Variants in INPP4B observed in about 807,000 individuals in gnomAD.
INPP4B encodes inositol polyphosphate-4-phosphatase type II B, also known as inositol polyphosphate 4-phosphatase type II.
Under a neutral mutation model 122.5 loss-of-function variants are expected in INPP4B, and 55 were observed. The ratio of observed to expected loss-of-function variants is 0.45; its 90% CI spans 0.36 to 0.56. INPP4B has a LOEUF of 0.56. Among genes scored for constraint, INPP4B ranks in the 20% least tolerant of loss-of-function variants. The pLI, the probability that INPP4B is intolerant of heterozygous loss-of-function variation, is 0.00. For missense variants in INPP4B, 1,000 were observed against 1,097.7 expected, an observed-to-expected ratio of 0.91 and a Z score of 1.26; for synonymous variants, 403 against 388.7, an observed-to-expected ratio of 1.04 and a Z score of -0.43.
At chr4:142,537,895 A>G (rs1008297414) in intron 2 of INPP4B, among the ~76,000 whole-genome samples, 2 of 152,082 alleles carry the variant, frequency 1.3e-5, no homozygotes, top group African/African-American at 4.8e-5. Context: ...AAGAGGAAGC[A>G]ATGGAAAACC....
At chr4:142,260,406 G>A in intron 11 of INPP4B, 86 bp downstream of exon 11, 2 of 837,308 alleles carry the variant, frequency 2.4e-6, no homozygotes, top group Non-Finnish European at 4.1e-6. Flanking sequence ...ACAAACAACT[G>A]TGAGAATGCT....
At chr4:142,554,365 TAAAAAA>T (rs11363091) in intron 2 of INPP4B, among the ~76,000 whole-genome samples, 3 of 123,518 alleles carry the variant, frequency 2.4e-5, no homozygotes, top group Non-Finnish European at 3.3e-5. Flanking sequence ...CTTGCAATAG[TAAAAAA>T]AAAAAAAAAA....
At chr4:142,627,665 T>C (rs1037764855) in intron 2 of INPP4B, among the ~76,000 whole-genome samples, 10 of 149,818 alleles carry the variant, frequency 6.7e-5, no homozygotes, top group East Asian at 5.9e-4. Context: ...CAGTATTTTA[T>C]TGAGGATTTT....
chr4:142,285,872 G>A (rs554952245), intron 9 of INPP4B, among the ~76,000 whole-genome samples: 5 of 152,264 alleles, frequency 3.3e-5, no homozygotes, highest in Admixed American at 3.3e-4. Flanking sequence ...GGCAAAATAT[G>A]CAAGGGCAGA....
Position 142,774,376 on chromosome 4 carries a change from T to A in INPP4B, c.-253-48475A>T, listed in dbSNP as rs573744439. Among the ~76,000 whole-genome samples the A allele has an allele frequency of 9.9e-5, 15 of 152,200 alleles. No homozygotes were observed. The East Asian group carries it at 1.4e-3, about 14-fold the overall frequency. On this transcript the variant is annotated intron_variant, in intron 1 of 25. Coordinates refer to ENST00000262992, the MANE Select transcript of INPP4B (RefSeq NM_001101669.3). The stretch of plus-strand genomic sequence containing the variant: ...AGATCATTAAAAGGTAGTGCTGCAA[T>A]CCTCTCCAAAGGCAGGTGAGTTATA...
intron 2 of INPP4B, among the ~76,000 whole-genome samples, chr4:142,674,195 G>A (rs1580681720): frequency 6.6e-6 from 1 of 152,086 alleles, no homozygotes. Context: ...TTCTCCCTCT[G>A]CCCACCTGCT....
intron 1 of INPP4B, among the ~76,000 whole-genome samples, chr4:142,757,272 A>AT (rs138122528): frequency 1.3e-5 from 2 of 152,266 alleles, no homozygotes; most frequent in East Asian, 3.9e-4. Context: ...TACAATGGAT[A>AT]TCTACAATGA....
intron 10 of INPP4B, 80 bp from the exon 11 acceptor site, chr4:142,260,644 T>C: frequency 1.1e-6 from 1 of 916,766 alleles, no homozygotes; most frequent in Non-Finnish European, 1.7e-6. Context: ...TTGCAAAACA[T>C]AAGGCTATGT....
At chr4:142,432,684 A>C (rs756128381) in intron 3 of INPP4B, among the ~76,000 whole-genome samples, 2 of 152,122 alleles carry the variant, frequency 1.3e-5, no homozygotes, top group Non-Finnish European at 2.9e-5. Context: ...ACAAATGCTA[A>C]TAGTGAGATA....
chr4:142,164,623 A>T (rs1821790767), intron 16 of INPP4B, among the ~76,000 whole-genome samples: 1 of 151,798 alleles, frequency 6.6e-6, no homozygotes, highest in Admixed American at 6.6e-5. Context: ...GAAAAACCAC[A>T]TAATCATTTT....
chr4:142,193,269 T>C, intron 14 of INPP4B, 74 bp from the exon 15 acceptor site: 1 of 816,090 alleles, frequency 1.2e-6, no homozygotes, highest in Admixed American at 2.0e-5. Context: ...CATTGAAGCA[T>C]ACCTATTGTA....
intron 3 of INPP4B, among the ~76,000 whole-genome samples, chr4:142,441,961 A>G (rs1385382939): frequency 6.6e-6 from 1 of 152,130 alleles, no homozygotes; most frequent in Non-Finnish European, 1.5e-5. Context: ...ATCCACTATA[A>G]TTAAAGAAAG....
At chr4:142,169,265 T>A (rs1270336214) in intron 16 of INPP4B, among the ~76,000 whole-genome samples, 1 of 151,664 alleles carries the variant, frequency 6.6e-6, no homozygotes. Context: ...TGTCCTGAAA[T>A]TTCATTTTTA....
chr4:142,763,277 T>C (rs7689139), intron 1 of INPP4B, among the ~76,000 whole-genome samples: 13,733 of 152,276 alleles, frequency 0.09, 773 homozygotes, highest in African/African-American at 0.16. Flanking sequence ...TCTCTCCAAG[T>C]ATGCTAACTT....
chr4:142,783,416 G>A (rs764872212), intron 1 of INPP4B, among the ~76,000 whole-genome samples: 6 of 152,064 alleles, frequency 3.9e-5, no homozygotes, highest in African/African-American at 7.2e-5. Context: ...ATGAAAAAAT[G>A]CTAACCTTTT....
chr4:142,551,918 G>A (rs1437949234), intron 2 of INPP4B, among the ~76,000 whole-genome samples: 2 of 152,320 alleles, frequency 1.3e-5, no homozygotes, highest in South Asian at 4.1e-4. Context: ...TTTTAGTCCT[G>A]TTGTGGTTCA....
At chr4:142,680,734 T>C (rs979424388) in intron 2 of INPP4B, among the ~76,000 whole-genome samples, 1 of 151,994 alleles carries the variant, frequency 6.6e-6, no homozygotes, top group African/African-American at 2.4e-5. Context: ...ATACTAAAAA[T>C]ATCCTTTCCA....
At chr4:142,420,399 C>T (rs892473045) in intron 5 of INPP4B, among the ~76,000 whole-genome samples, 1 of 151,954 alleles carries the variant, frequency 6.6e-6, no homozygotes, top group East Asian at 1.9e-4. Flanking sequence ...CTCATATCTG[C>T]GGGGTGCACC....
intron 1 of INPP4B, among the ~76,000 whole-genome samples, chr4:142,809,845 T>A (rs79152644): frequency 6.6e-6 from 1 of 151,406 alleles, no homozygotes; most frequent in East Asian, 1.9e-4. Context: ...AAAAAAAAAA[T>A]CCACGGGATA....
Sources: allele counts gnomAD v4.1 joint callset (sites outside exome capture counted in the v4.1 genomes callset), GRCh38; gene constraint gnomAD v4.1.1; transcripts MANE v1.5; gene names NCBI Gene and HGNC (gene_info 2026-07-23, HGNC 2026-07-21).